BRWD3: variants seen among roughly 807,000 people sequenced by gnomAD.
The protein encoded by BRWD3 is bromodomain and WD repeat domain containing 3, also known as bromodomain and WD repeat-containing protein 3.
Under a neutral mutation model 149.7 loss-of-function variants are expected in BRWD3, and 10 were observed. The ratio of observed to expected loss-of-function variants is 0.07; its 90% CI spans 0.04 to 0.11. BRWD3 has a LOEUF of 0.11. Ranked by LOEUF, BRWD3 falls within the 10% of genes least tolerant of loss-of-function variation. BRWD3 has a pLI of 1.00. For missense variants in BRWD3, 940 were observed against 1,373.2 expected (o/e 0.68, Z 4.99); for synonymous variants, 504 against 456.7 (o/e 1.10, Z -1.32).
In BRWD3 at chrX:80,672,835, G is replaced by T. The variant is rs1036569184; in HGVS notation, c.*3774C>A. 2.7e-5 allele frequency: 3 copies of T among 111,746 alleles called. No homozygotes were observed. Among genetic ancestry groups the T allele is most frequent in the Non-Finnish European group, 3.8e-5 (2 of 53,159 alleles). The allele number at this position is 111,746 out of a possible 1,213,427, so 9.2% of individuals were successfully genotyped here. Reference sequence around the variant, plus strand: ...AAAAGGCTGGACAGCAAAGTATACTGAAAATTATATATGATGCAAGTCTCC... The same window carrying T: ...AAAAGGCTGGACAGCAAAGTATACTTAAAATTATATATGATGCAAGTCTCC... On this transcript the variant is annotated 3_prime_UTR_variant, in exon 41 of 41. Coordinates refer to ENST00000373275, the MANE Select transcript of BRWD3 (RefSeq NM_153252.5).
intron 6 of BRWD3, among the ~76,000 whole-genome samples, chrX:80,771,269 C>T (rs1460418191): frequency 9.0e-6 from 1 of 111,337 alleles, no homozygotes; most frequent in Non-Finnish European, 1.9e-5. Context: ...TCATACGGAA[C>T]CAAAAAAGAG....
At chrX:80,709,368 T>C in intron 21 of BRWD3, 60 bp downstream of exon 21, 1 of 1,050,825 alleles carries the variant, frequency 9.5e-7, no homozygotes, top group Non-Finnish European at 1.3e-6. Flanking sequence ...TAAACCCAAA[T>C]GGATGATACA....
intron 18 of BRWD3, among the ~76,000 whole-genome samples, chrX:80,718,452 C>G (rs1229580919): frequency 1.8e-5 from 2 of 111,360 alleles, no homozygotes; most frequent in African/African-American, 6.5e-5. Context: ...TCCACAGAAA[C>G]CTAGTATTGA....
At chrX:80,803,953 T>C (rs760825976) in intron 4 of BRWD3, among the ~76,000 whole-genome samples, 1 of 112,565 alleles carries the variant, frequency 8.9e-6, no homozygotes, top group Non-Finnish European at 1.9e-5. Flanking sequence ...TGAGATAATG[T>C]GAAAACACTT....
At chrX:80,780,614 T>A (rs1439880607) in intron 6 of BRWD3, among the ~76,000 whole-genome samples, 1 of 111,815 alleles carries the variant, frequency 8.9e-6, no homozygotes, top group Non-Finnish European at 1.9e-5. Flanking sequence ...GAGTTTATAT[T>A]CCAGTTTAAT....
At chrX:80,723,901 C>T in intron 15 of BRWD3, 25 bp from the exon 16 acceptor site, 1 of 1,203,462 alleles carries the variant, frequency 8.3e-7, no homozygotes, top group Non-Finnish European at 1.1e-6. Flanking sequence ...AGTCTCAAGT[C>T]ATCTTAAGAG....
intron 35 of BRWD3, among the ~76,000 whole-genome samples, chrX:80,686,322 G>A (rs1055782628): frequency 9.2e-6 from 1 of 108,418 alleles, no homozygotes; most frequent in Non-Finnish European, 1.9e-5. Context: ...TAAATGACGA[G>A]TTAATGGGTG....
At chrX:80,777,250 A>T (rs192539138) in intron 6 of BRWD3, among the ~76,000 whole-genome samples, 189 of 110,812 alleles carry the variant, frequency 1.7e-3, no homozygotes, top group Non-Finnish European at 3.3e-3. Flanking sequence ...GTTTATTATC[A>T]CAGGAAATAT....
chrX:80,712,875 A>C (rs1264160603), intron 20 of BRWD3, among the ~76,000 whole-genome samples: 2 of 97,576 alleles, frequency 2.0e-5, no homozygotes, highest in Admixed American at 2.2e-4. Flanking sequence ...CCGCCTGGCA[A>C]CTGCCCCGTC....
Position 80,682,470 on chromosome X carries a change from T to G in BRWD3, c.4392A>C (p.Ala1464=). The stretch of plus-strand genomic sequence containing the variant: ...TTGCATCAATGTAATGATACCTAGG[T>G]GCTCCACTACTAGATAATGAACTGC... The part of the protein sequence containing the change: ...SSSSSLSSSG[A]PSPKGKQKQM... Residue 1464 remains alanine, a synonymous_variant, in exon 38 of 41, where the codon GCA becomes GCC. Transcript: ENST00000373275. 8.3e-7 allele frequency: 1 copy of G among 1,209,590 alleles called. No homozygotes were observed.
In BRWD3 at chrX:80,670,026, TTTATAA is replaced by T. The variant is rs1240958090; in HGVS notation, c.*6577_*6582del. ...TCTAGAATAATTAAAATTATAAGAT[TTTATAA>T]TTATAATTAGATGTTTATAATCTGT... On this transcript the variant is annotated 3_prime_UTR_variant, in exon 41 of 41. Coordinates refer to ENST00000373275, the MANE Select transcript of BRWD3 (RefSeq NM_153252.5). 9.0e-6 allele frequency among the ~76,000 whole-genome samples: 1 copy of T among 110,936 alleles called. No individual in the cohort carries two copies. Among genetic ancestry groups the T allele is most frequent in the African/African-American group, 3.3e-5 (1 of 30,600 alleles).
In BRWD3 at chrX:80,700,309, G is replaced by A. The variant is rs73504604; in HGVS notation, c.2836-245C>T. On this transcript the variant is annotated intron_variant, in intron 24 of 40. Transcript: ENST00000373275. ...TTTCCCTTCAATCAGCTTCATAAGT[G>A]TGCTGAAGAAGCAGATTCATGGAAA... 0.056 allele frequency among the ~76,000 whole-genome samples: 5,869 copies of A among 105,710 alleles called. 412 individuals carry two copies. The highest frequency in any genetic ancestry group is 0.19 in the African/African-American group (5,539 of 29,021). 91.8% of individuals were successfully genotyped at this position (105,710 alleles called of 115,157 possible).
intron 6 of BRWD3, among the ~76,000 whole-genome samples, chrX:80,752,805 C>T (rs1458788560): frequency 9.0e-6 from 1 of 110,921 alleles, no homozygotes; most frequent in African/African-American, 3.3e-5. Flanking sequence ...GCTGGGATTA[C>T]AGGTGCCCGC....
intron 6 of BRWD3, among the ~76,000 whole-genome samples, chrX:80,783,489 T>C (rs1342691285): frequency 1.8e-5 from 2 of 109,951 alleles, no homozygotes; most frequent in African/African-American, 6.6e-5. Context: ...TACATCAGTA[T>C]AGCCACTATG....
At chrX:80,771,300 C>A (rs1193554051) in intron 6 of BRWD3, among the ~76,000 whole-genome samples, 1 of 111,591 alleles carries the variant, frequency 9.0e-6, no homozygotes, top group Non-Finnish European at 1.9e-5. Context: ...CAAGACAATC[C>A]TAAGCAAAAA....
At chrX:80,678,450 G>T (rs182666983) in intron 40 of BRWD3, among the ~76,000 whole-genome samples, 1 of 111,366 alleles carries the variant, frequency 9.0e-6, no homozygotes, top group African/African-American at 3.3e-5. Flanking sequence ...TGTTGACAGA[G>T]ATCCAAGACA....
At chrX:80,775,907 C>T (rs2073996106) in intron 6 of BRWD3, among the ~76,000 whole-genome samples, 1 of 111,716 alleles carries the variant, frequency 9.0e-6, no homozygotes, top group Non-Finnish European at 1.9e-5. Context: ...TCACAGTAGT[C>T]TTGTGAGATT....
chrX:80,755,013 A>T lies in BRWD3; in HGVS notation c.431-9284T>A, dbSNP rs765190131. On this transcript the variant is annotated intron_variant, in intron 6 of 40. Transcript: ENST00000373275. ...ACAGAGCGAAACTCCGTCTCAAATTAAAAAAAAAAGGAATACTGAATTTTA... is the reference window on the plus strand; with the variant it reads ...ACAGAGCGAAACTCCGTCTCAAATTTAAAAAAAAAGGAATACTGAATTTTA... Among the ~76,000 whole-genome samples, 30 of 106,331 alleles carry T rather than the reference A, an allele frequency of 2.8e-4. 1 individual carries two copies. The South Asian group carries it at 0.01, about 37-fold the overall frequency. 92.3% of individuals were successfully genotyped at this position (106,331 alleles called of 115,157 possible).
chrX:80,724,756 T>A (rs1707367947), intron 15 of BRWD3, among the ~76,000 whole-genome samples, 177 bp downstream of exon 15: 1 of 111,596 alleles, frequency 9.0e-6, no homozygotes, highest in Non-Finnish European at 1.9e-5. Flanking sequence ...AGAATAGTCA[T>A]CTTGAAAGGC....
Sources: gnomAD v4.1 joint callset for allele counts (sites outside exome capture counted in the v4.1 genomes callset) on GRCh38, gnomAD v4.1.1 for gene constraint, MANE v1.5 for transcripts, NCBI Gene and HGNC (gene_info 2026-07-23, HGNC 2026-07-21) for gene names.